SLC9A9: variants seen among roughly 807,000 people sequenced by gnomAD.
SLC9A9 encodes solute carrier family 9 member A9.
In SLC9A9, 62 loss-of-function variants were observed where a neutral mutation model predicts 77.8. That is an observed-to-expected ratio of 0.80 (90% CI 0.65 to 0.98). The LOEUF is 0.98. Among genes scored for constraint, SLC9A9 ranks in the 50% least tolerant of loss-of-function variants. The pLI is 0.00. For missense variants in SLC9A9, 775 were observed against 774.9 expected, an observed-to-expected ratio of 1.00 and a Z score of 0.00; for synonymous variants, 320 against 283.5, an observed-to-expected ratio of 1.13 and a Z score of -1.29.
rs528337032 is a variant in SLC9A9, at chr3:143,398,994, T to TAC, written c.1470-16882_1470-16881dup. ...ATAATAAATTCACAGATTTGTTGTA[T>TAC]ACACACACACACATACACACACATA... On this transcript the variant is annotated intron_variant, in intron 12 of 15. Coordinates refer to ENST00000316549, the MANE Select transcript of SLC9A9 (RefSeq NM_173653.4). Among the ~76,000 whole-genome samples the TAC allele has an allele frequency of 1.0e-4, 12 of 115,438 alleles. 1 individual carries two copies. The highest frequency in any genetic ancestry group is 8.8e-3 in the Middle Eastern group (2 of 226). The allele number at this position is 115,438 out of a possible 152,430, so 75.7% of individuals were successfully genotyped here. A position where few individuals can be genotyped will look rare whatever the true frequency, so the allele number is the denominator to read the frequency against.
At chr3:143,487,751 C>T (rs1383999712) in intron 11 of SLC9A9, among the ~76,000 whole-genome samples, 1 of 151,562 alleles carries the variant, frequency 6.6e-6, no homozygotes, top group African/African-American at 2.4e-5. Flanking sequence ...GAAAACAGTG[C>T]TAAGACTTAC....
intron 12 of SLC9A9, among the ~76,000 whole-genome samples, chr3:143,447,106 T>G (rs900570013): frequency 1.3e-5 from 2 of 152,228 alleles, no homozygotes; most frequent in Admixed American, 6.5e-5. Flanking sequence ...GCAAATATAC[T>G]TGGAGGAAGC....
intron 14 of SLC9A9, among the ~76,000 whole-genome samples, chr3:143,295,474 T>C (rs1325622231): frequency 6.6e-6 from 1 of 152,214 alleles, no homozygotes; most frequent in South Asian, 2.1e-4. Flanking sequence ...ACTCTGAACC[T>C]GATTCCTCTT....
intron 14 of SLC9A9, among the ~76,000 whole-genome samples, chr3:143,288,350 G>A (rs904701330): frequency 1.3e-5 from 2 of 151,864 alleles, no homozygotes; most frequent in South Asian, 2.1e-4. Context: ...GTATAAATAC[G>A]CAGCTCAGGT....
At chr3:143,494,693 A>G (rs1001689162) in intron 10 of SLC9A9, among the ~76,000 whole-genome samples, 1 of 152,190 alleles carries the variant, frequency 6.6e-6, no homozygotes, top group African/African-American at 2.4e-5. Context: ...ATAGATATCC[A>G]TTCCCACTGG....
rs1489272479 is a variant in SLC9A9 at position 143,449,971 on chromosome 3, A to G, written c.1469+17066T>C. Among the ~76,000 whole-genome samples, 22 of 87,142 alleles carry G rather than the reference A, an allele frequency of 2.5e-4. No individual in the cohort carries two copies. In the East Asian group the frequency reaches 6.3e-3, roughly 25 times the overall value. 57.2% of individuals were successfully genotyped at this position (87,142 alleles called of 152,430 possible). A position where few individuals can be genotyped will look rare whatever the true frequency, so the allele number is the denominator to read the frequency against. ...TAATATACATTATATAATATATATA[A>G]TATATATTATATGTATATATACATA... On this transcript the variant is annotated intron_variant, in intron 12 of 15. Transcript: ENST00000316549.
In SLC9A9 at chr3:143,363,480, A is replaced by T; in HGVS notation, c.1604+4T>A. 3.1e-6 allele frequency: 5 copies of T among 1,611,918 alleles called. No individual in the cohort carries two copies. The highest frequency in any genetic ancestry group is 3.4e-6 in the Non-Finnish European group (4 of 1,178,276). The stretch of plus-strand genomic sequence containing the variant: ...TCTGTGAGATCGTTATTATCAAAGG[A>T]TACTTGTGGTCAAAGCTATACCACA... On this transcript the variant is annotated splice_donor_region_variant and intron_variant, in intron 14 of 15. Transcript: ENST00000316549.
intron 14 of SLC9A9, among the ~76,000 whole-genome samples, chr3:143,338,688 T>C (rs570674237): frequency 1.3e-5 from 2 of 152,178 alleles, no homozygotes; most frequent in Non-Finnish European, 2.9e-5. Context: ...GGCAAATCAA[T>C]CATCTTTATG....
At chr3:143,687,338 A>G (rs921115494) in intron 5 of SLC9A9, among the ~76,000 whole-genome samples, 19 of 152,196 alleles carry the variant, frequency 1.2e-4, no homozygotes, top group Admixed American at 3.3e-4. Context: ...TAAATTAGTG[A>G]GTCACAATAA....
Position 143,700,419 on chromosome 3 carries a change from G to A in SLC9A9, c.534-7112C>T, listed in dbSNP as rs183916347. On this transcript the variant is annotated intron_variant, in intron 4 of 15. Transcript: ENST00000316549. ...GGACAGCATCGGTAGACCTGCCCTG[G>A]GCCAGAGGGGAGGCTACTGCTCGGA... Among the ~76,000 whole-genome samples the A allele has an allele frequency of 3.3e-3, 505 of 152,288 alleles. 3 individuals are homozygous for A. Among genetic ancestry groups the A allele is most frequent in the African/African-American group, 0.011 (458 of 41,574 alleles).
At chr3:143,400,296 C>A (rs564978543) in intron 12 of SLC9A9, among the ~76,000 whole-genome samples, 68 of 152,148 alleles carry the variant, frequency 4.5e-4, no homozygotes, top group African/African-American at 1.6e-3. Context: ...ATCTTTCAAA[C>A]AAAATATTCT....
intron 4 of SLC9A9, among the ~76,000 whole-genome samples, chr3:143,741,435 T>G (rs1005025406): frequency 6.6e-5 from 10 of 152,206 alleles, no homozygotes; most frequent in African/African-American, 2.4e-4. Context: ...CACACTGATA[T>G]AAATAAAGAA....
At position 143,790,513 on chromosome 3, in the gene SLC9A9, A is replaced by G. The variant is rs200491967; in HGVS notation, c.533+4488T>C. 4.9e-4 allele frequency among the ~76,000 whole-genome samples: 75 copies of G among 152,318 alleles called. 1 individual carries two copies. The East Asian group carries it at 0.013, about 26-fold the overall frequency. The stretch of plus-strand genomic sequence containing the variant: ...CAGACAGATATAATTACTGATACAT[A>G]CTGCCCATTTCATGCAATACTGCAG... On this transcript the variant is annotated intron_variant, in intron 4 of 15. Transcript: ENST00000316549.
At chr3:143,267,806 T>C (rs540066092) in intron 15 of SLC9A9, among the ~76,000 whole-genome samples, 1 of 152,354 alleles carries the variant, frequency 6.6e-6, no homozygotes, top group East Asian at 1.9e-4. Context: ...AGAGGTTCCC[T>C]TGAAAGAATT....
At chr3:143,772,012 C>T (rs2007536719) in intron 4 of SLC9A9, among the ~76,000 whole-genome samples, 1 of 138,962 alleles carries the variant, frequency 7.2e-6, no homozygotes, top group Non-Finnish European at 1.6e-5. Context: ...AGCCTCAGAG[C>T]ATCCCCAGAA....
At chr3:143,477,330 A>ATTTTTTT (rs59195338) in intron 11 of SLC9A9, among the ~76,000 whole-genome samples, 8,338 of 99,578 alleles carry the variant, frequency 0.084, 416 homozygotes, top group Non-Finnish European at 0.13. Context: ...GGCTTCTTCA[A>ATTTTTTT]TTTTTTTTTT....
chr3:143,266,886 T>C lies in SLC9A9; in HGVS notation c.1754A>G (p.Asp585Gly), dbSNP rs1448592419. 2 of 1,614,028 alleles carry C rather than the reference T, an allele frequency of 1.2e-6. No homozygotes were observed. Among genetic ancestry groups the C allele is most frequent in the African/African-American group, 2.7e-5 (2 of 74,926 alleles). ...EDDVECIVNQ[D>G]ELAINYQEQA... ...CTCCTGGTAATTTATGGCTAGTTCA[T>C]CCTGGTTTACAATGCATTCCACATC... The change falls in exon 16 of 16, where the codon GAT (aspartate) becomes GGT (glycine). Residue 585 changes from aspartate to glycine, a missense_variant. Physicochemically the swap from Asp to Gly is moderately conservative, Grantham distance 94 (BLOSUM62 -1). Transcript: ENST00000316549.
intron 4 of SLC9A9, among the ~76,000 whole-genome samples, chr3:143,763,838 T>C (rs1200895980): frequency 6.6e-6 from 1 of 152,044 alleles, no homozygotes; most frequent in East Asian, 1.9e-4. Context: ...AAGTTGGGGA[T>C]AGGGCCATTA....
intron 9 of SLC9A9, among the ~76,000 whole-genome samples, chr3:143,544,125 T>C (rs927449690): frequency 6.6e-6 from 1 of 152,272 alleles, no homozygotes; most frequent in Non-Finnish European, 1.5e-5. Context: ...TAATTAGTGA[T>C]GTTGAGCATT....
Sources: gnomAD v4.1 joint callset for allele counts (sites outside exome capture counted in the v4.1 genomes callset) on GRCh38, gnomAD v4.1.1 for gene constraint, MANE v1.5 for transcripts, NCBI Gene and HGNC (gene_info 2026-07-23, HGNC 2026-07-21) for gene names.